WWOX: variants seen among roughly 807,000 people sequenced by gnomAD.
WWOX encodes WW domain containing oxidoreductase.
WWOX carries 69 observed loss-of-function variants against 46.2 expected under a neutral mutation model. That is an observed-to-expected ratio of 1.49 (90% confidence interval 1.23 to 1.82). The LOEUF (loss-of-function observed/expected upper bound fraction) is 1.82, where lower values mean the gene tolerates loss of function less well. Among genes scored for constraint, WWOX ranks in the 40% most tolerant of loss-of-function variants. WWOX has a pLI of 0.00. For synonymous variants in WWOX, 359 were observed against 202.6 expected, an observed-to-expected ratio of 1.77 and a Z score of -6.56; for missense variants, 919 against 542.6, an observed-to-expected ratio of 1.69 and a Z score of -6.89.
chr16:78,526,202 G>C (rs1003203150), intron 8 of WWOX: 6 of 152,184 alleles, frequency 3.9e-5, no homozygotes, highest in African/African-American at 1.4e-4. Context: ...AGGGAGTAGC[G>C]GGGCAGAAGC....
At chr16:79,152,919 G>T (rs907526822) in intron 8 of WWOX, among the ~76,000 whole-genome samples, 4 of 152,118 alleles carry the variant, frequency 2.6e-5, no homozygotes, top group African/African-American at 9.7e-5. Context: ...GTGGGCTCCG[G>T]GTCTAGGAGA....
At chr16:78,380,910 G>A (rs1241720955) in intron 5 of WWOX, among the ~76,000 whole-genome samples, 1 of 152,320 alleles carries the variant, frequency 6.6e-6, no homozygotes, top group African/African-American at 2.4e-5. Flanking sequence ...AATGATAATA[G>A]CATATATTGA....
At chr16:79,097,613 A>C (rs1417289514) in intron 8 of WWOX, among the ~76,000 whole-genome samples, 1 of 152,192 alleles carries the variant, frequency 6.6e-6, no homozygotes, top group Non-Finnish European at 1.5e-5. Context: ...GGTTCTGAGA[A>C]TGACGACATT....
chr16:78,751,210 T>C (rs2049467751), intron 8 of WWOX, among the ~76,000 whole-genome samples: 1 of 151,954 alleles, frequency 6.6e-6, no homozygotes. Flanking sequence ...TTAATTTGTG[T>C]TTCGAACTAC....
rs1199275000 is a variant in WWOX at position 78,595,108 on chromosome 16, C to T, written c.1056+162356C>T. The stretch of plus-strand genomic sequence containing the variant: ...GCGCATGAGGCTGTGTTAGCAGAGG[C>T]AGTGGCAGAAGAAGACATTGCAAAC... On this transcript the variant is annotated intron_variant, in intron 8 of 8. Coordinates refer to ENST00000566780, the MANE Select transcript of WWOX (RefSeq NM_016373.4). Among the ~76,000 whole-genome samples the T allele has an allele frequency of 2.6e-5, 4 of 152,166 alleles. No individual in the cohort carries two copies. In the East Asian group the frequency reaches 5.8e-4, roughly 22 times the overall value.
At chr16:78,361,961 C>G (rs1446090014) in intron 5 of WWOX, among the ~76,000 whole-genome samples, 1 of 123,478 alleles carries the variant, frequency 8.1e-6, no homozygotes, top group African/African-American at 3.2e-5. Flanking sequence ...CGTAGATTCA[C>G]AGGTATTTCC....
intron 8 of WWOX, among the ~76,000 whole-genome samples, chr16:78,722,255 G>A (rs1055981341): frequency 1.3e-5 from 2 of 152,078 alleles, no homozygotes; most frequent in African/African-American, 4.8e-5. Flanking sequence ...GACGGACTTG[G>A]GGTTCAGTCC....
At position 79,212,636 on chromosome 16, in the gene WWOX, T is replaced by A. The variant is rs2051809013; in HGVS notation, c.*840T>A. On this transcript the variant is annotated 3_prime_UTR_variant, in exon 9 of 9. Transcript: ENST00000566780. ...AAACCTCCTGCTGTGCCTCGCATCC[T>A]ATGCTTAATAAAAGAACATGCTTGA... 1 of 151,026 alleles carries A rather than the reference T, an allele frequency of 6.6e-6. No homozygotes were observed. The highest frequency in any genetic ancestry group is 1.5e-5 in the Non-Finnish European group (1 of 67,006). The allele number at this position is 151,026 out of a possible 1,614,324, so 9.4% of individuals were successfully genotyped here.
chr16:78,957,007 C>CTCCG (rs145015044), intron 8 of WWOX, among the ~76,000 whole-genome samples: 1,791 of 152,274 alleles, frequency 0.012, 30 homozygotes, highest in African/African-American at 0.04. Context: ...AGCTTGAGGA[C>CTCCG]TCCGTGTGTT....
At chr16:78,409,997 T>C (rs2082639757) in intron 6 of WWOX, among the ~76,000 whole-genome samples, 1 of 152,170 alleles carries the variant, frequency 6.6e-6, no homozygotes, top group South Asian at 2.1e-4. Context: ...TAATCCCTAG[T>C]GTTGGCGGTG....
At chr16:78,559,550 T>C (rs1240301459) in intron 8 of WWOX, among the ~76,000 whole-genome samples, 1 of 152,228 alleles carries the variant, frequency 6.6e-6, no homozygotes, top group Non-Finnish European at 1.5e-5. Context: ...TGGTTTCTTA[T>C]TAAACGTGCT....
intron 8 of WWOX, among the ~76,000 whole-genome samples, chr16:78,874,886 G>T (rs1021492641): frequency 6.6e-6 from 1 of 151,874 alleles, no homozygotes; most frequent in African/African-American, 2.4e-5. Context: ...CCTCAGATAG[G>T]CCCAAGAGCT....
chr16:78,975,710 G>T (rs2046558155), intron 8 of WWOX, among the ~76,000 whole-genome samples: 1 of 152,108 alleles, frequency 6.6e-6, no homozygotes, highest in Admixed American at 6.5e-5. Flanking sequence ...CTCAGAGAAG[G>T]GTTTTGTCCA....
chr16:78,767,044 C>A (rs1567546019), intron 8 of WWOX, among the ~76,000 whole-genome samples: 1 of 151,948 alleles, frequency 6.6e-6, no homozygotes, highest in East Asian at 1.9e-4. Context: ...AAATTTCTTT[C>A]TTTCTTCCTC....
At chr16:78,285,491 T>G (rs960916571) in intron 5 of WWOX, among the ~76,000 whole-genome samples, 13 of 152,010 alleles carry the variant, frequency 8.6e-5, no homozygotes, top group Non-Finnish European at 1.8e-4. Context: ...GACCCTCATG[T>G]GTATCAAGAA....
At chr16:79,202,544 C>G (rs779694337) in intron 8 of WWOX, 3 of 152,252 alleles carry the variant, frequency 2.0e-5, no homozygotes, top group Non-Finnish European at 4.4e-5. Flanking sequence ...TGCTGTGTGT[C>G]TTTCCTGGGA....
intron 8 of WWOX, among the ~76,000 whole-genome samples, chr16:78,646,070 T>C (rs907958893): frequency 2.0e-5 from 3 of 152,176 alleles, no homozygotes; most frequent in African/African-American, 7.2e-5. Context: ...CTTCCTTGGG[T>C]AACTGCGCAT....
intron 8 of WWOX, among the ~76,000 whole-genome samples, chr16:78,984,023 G>A (rs1181747796): frequency 1.3e-5 from 2 of 151,588 alleles, no homozygotes; most frequent in African/African-American, 2.4e-5. Flanking sequence ...GACTACAGGC[G>A]CCTGCCACCA....
At chr16:78,476,829 A>G (rs983163316) in intron 8 of WWOX, among the ~76,000 whole-genome samples, 1 of 152,092 alleles carries the variant, frequency 6.6e-6, no homozygotes, top group Non-Finnish European at 1.5e-5. Context: ...CTAATTTAGA[A>G]AAGGTTGTTT....
Sources: allele counts gnomAD v4.1 joint callset (sites outside exome capture counted in the v4.1 genomes callset), GRCh38; gene constraint gnomAD v4.1.1; transcripts MANE v1.5; gene names NCBI Gene and HGNC (gene_info 2026-07-23, HGNC 2026-07-21).